GLCE: variants seen among roughly 807,000 people sequenced by gnomAD.
GLCE encodes glucuronic acid epimerase.
A neutral mutation model predicts 47.9 loss-of-function variants in GLCE; 19 were observed. The observed-to-expected ratio is 0.40, with a 90% CI of 0.28 to 0.58. GLCE has a LOEUF of 0.58. Among genes scored for constraint, GLCE ranks in the 20% least tolerant of loss-of-function variants. The pLI, the probability that GLCE is intolerant of heterozygous loss-of-function variation, is 0.48. For synonymous variants in GLCE, 245 were observed against 263.4 expected, an observed-to-expected ratio of 0.93 and a Z score of 0.68; for missense variants, 556 against 743.3, an observed-to-expected ratio of 0.75 and a Z score of 2.93.
At chr15:69,235,039 G>A (rs1334411850) in intron 2 of GLCE, among the ~76,000 whole-genome samples, 1 of 134,042 alleles carries the variant, frequency 7.5e-6, no homozygotes, top group Admixed American at 7.6e-5. Context: ...TATAACAGAT[G>A]TTTAACAAAT....
Position 69,255,856 on chromosome 15 carries a change from G to A in GLCE, c.50G>A (p.Cys17Tyr). ...AACTATAAGACTTTGATTATTATCT[G>A]CGCACTCTTCACTTTGGTCACAGTA... Reference protein sequence around the residue: ...RVNYKTLIIICALFTLVTVLL... With the variant: ...RVNYKTLIIIYALFTLVTVLL... The change falls in exon 3 of 5, where the codon TGC becomes TAC. Residue 17 changes from cysteine to tyrosine, a missense_variant. Physicochemically the swap from Cys to Tyr is radical, Grantham distance 194 (BLOSUM62 -2). Coordinates refer to ENST00000261858, the MANE Select transcript of GLCE (RefSeq NM_015554.3). 2 of 1,613,954 alleles carry A rather than the reference G, an allele frequency of 1.2e-6. No homozygotes were observed. The highest frequency in any genetic ancestry group is 1.7e-6 in the Non-Finnish European group (2 of 1,179,948).
intron 1 of GLCE, among the ~76,000 whole-genome samples, chr15:69,190,742 CAGG>C (rs1011590312): frequency 2.6e-5 from 4 of 152,070 alleles, no homozygotes; most frequent in African/African-American, 9.7e-5. Flanking sequence ...CCCTTTTAAT[CAGG>C]AGTTTAGACC....
chr15:69,173,846 A>C (rs2051622380), intron 1 of GLCE, among the ~76,000 whole-genome samples: 1 of 152,160 alleles, frequency 6.6e-6, no homozygotes, highest in African/African-American at 2.4e-5. Flanking sequence ...TTATAGTATG[A>C]AATAATTTAA....
At chr15:69,170,918 G>A (rs1160893453) in intron 1 of GLCE, among the ~76,000 whole-genome samples, 1 of 152,182 alleles carries the variant, frequency 6.6e-6, no homozygotes, top group Admixed American at 6.5e-5. Context: ...CCTGAAAGAA[G>A]CTCTTTAAAT....
At chr15:69,179,690 G>A (rs935200511) in intron 1 of GLCE, among the ~76,000 whole-genome samples, 4 of 152,114 alleles carry the variant, frequency 2.6e-5, no homozygotes, top group African/African-American at 4.8e-5. Context: ...TCAGTACAAA[G>A]AACAACACAA....
At chr15:69,188,549 T>C (rs555978516) in intron 1 of GLCE, among the ~76,000 whole-genome samples, 1 of 152,324 alleles carries the variant, frequency 6.6e-6, no homozygotes, top group African/African-American at 2.4e-5. Context: ...GAAGTTTTCT[T>C]TGTGGGGTGG....
intron 1 of GLCE, among the ~76,000 whole-genome samples, chr15:69,185,195 T>G (rs1162926200): frequency 6.6e-6 from 1 of 152,352 alleles, no homozygotes; most frequent in African/African-American, 2.4e-5. Context: ...ATTGCCATGT[T>G]CAGAGCTTTC....
chr15:69,196,261 C>T (rs534563751), intron 1 of GLCE, among the ~76,000 whole-genome samples: 134 of 152,120 alleles, frequency 8.8e-4, no homozygotes, highest in African/African-American at 3.1e-3. Context: ...CTGGTGCAGA[C>T]ATAATTGCGG....
chr15:69,218,225 A>G (rs570461417), intron 2 of GLCE, among the ~76,000 whole-genome samples: 1 of 150,856 alleles, frequency 6.6e-6, no homozygotes, highest in South Asian at 2.1e-4. Context: ...GACTAGAAAA[A>G]TAGGCCAGGC....
At chr15:69,195,559 T>A (rs1241819011) in intron 1 of GLCE, among the ~76,000 whole-genome samples, 1 of 152,134 alleles carries the variant, frequency 6.6e-6, no homozygotes, top group Non-Finnish European at 1.5e-5. Flanking sequence ...GTGGATTGTC[T>A]ACTTTAGATT....
chr15:69,225,188 T>C (rs886227860), intron 2 of GLCE, among the ~76,000 whole-genome samples: 1 of 152,104 alleles, frequency 6.6e-6, no homozygotes, highest in Non-Finnish European at 1.5e-5. Flanking sequence ...TTTTTTCTTT[T>C]TTGCAGGGCA....
chr15:69,270,571 C>T lies in GLCE; in HGVS notation c.*1327C>T, dbSNP rs755074078. The T allele has an allele frequency of 6.6e-6, 1 of 152,062 alleles. No individual in the cohort carries two copies. The highest frequency in any genetic ancestry group is 2.4e-5 in the African/African-American group (1 of 41,372). The allele number at this position is 152,062 out of a possible 1,614,324, so 9.4% of individuals were successfully genotyped here. ...TCTTATACAGTTTGAAAATATGATA[C>T]CCTACACTTTCAGGGGACCGAGTCT... On this transcript the variant is annotated 3_prime_UTR_variant, in exon 5 of 5. Coordinates refer to ENST00000261858, the MANE Select transcript of GLCE (RefSeq NM_015554.3).
At chr15:69,266,961 A>C (rs1595793452) in intron 4 of GLCE, among the ~76,000 whole-genome samples, 1 of 152,250 alleles carries the variant, frequency 6.6e-6, no homozygotes, top group African/African-American at 2.4e-5. Flanking sequence ...AATACATGTG[A>C]ATGCGTTTTG....
intron 1 of GLCE, among the ~76,000 whole-genome samples, chr15:69,169,630 G>A (rs1014853315): frequency 1.4e-5 from 2 of 146,766 alleles, no homozygotes; most frequent in African/African-American, 5.0e-5. Flanking sequence ...ACCTATGAAT[G>A]ATAACATGTG....
At chr15:69,234,163 A>AGAG (rs2052562314) in intron 2 of GLCE, among the ~76,000 whole-genome samples, 3 of 152,128 alleles carry the variant, frequency 2.0e-5, no homozygotes, top group Admixed American at 2.0e-4. Flanking sequence ...TTTTTAGTAG[A>AGAG]GAGGAGGTTT....
intron 1 of GLCE, among the ~76,000 whole-genome samples, chr15:69,194,783 A>G (rs56395333): frequency 9.2e-5 from 14 of 151,852 alleles, no homozygotes; most frequent in Non-Finnish European, 2.1e-4. Context: ...CTTTATTTTT[A>G]TTTTCTTGGA....
intron 2 of GLCE, among the ~76,000 whole-genome samples, chr15:69,246,900 G>A (rs1317686759): frequency 1.3e-5 from 2 of 152,242 alleles, no homozygotes; most frequent in South Asian, 4.1e-4. Flanking sequence ...TTTTTTCTGA[G>A]CAGTAGGTCT....
At chr15:69,206,204 G>C (rs192762757) in intron 1 of GLCE, among the ~76,000 whole-genome samples, 1 of 151,714 alleles carries the variant, frequency 6.6e-6, no homozygotes, top group Non-Finnish European at 1.5e-5. Flanking sequence ...CTCTCAATTT[G>C]TGTTTGTCTG....
chr15:69,186,836 A>G (rs944024559), intron 1 of GLCE, among the ~76,000 whole-genome samples: 44 of 152,270 alleles, frequency 2.9e-4, no homozygotes, highest in Middle Eastern at 6.8e-3. Context: ...TGACAGATAC[A>G]TTTATTCAAA....
Sources: allele counts gnomAD v4.1 joint callset (sites outside exome capture counted in the v4.1 genomes callset), GRCh38; gene constraint gnomAD v4.1.1; transcripts MANE v1.5; gene names NCBI Gene and HGNC (gene_info 2026-07-23, HGNC 2026-07-21).